Variants in ARHGAP15 observed in about 807,000 individuals in gnomAD.
ARHGAP15 encodes the protein rho GTPase-activating protein 15.
A neutral mutation model predicts 63.7 loss-of-function variants in ARHGAP15; 51 were observed. The ratio of observed to expected loss-of-function variants is 0.80; its 90% CI spans 0.64 to 1.01. The LOEUF is 1.01. Among genes scored for constraint, ARHGAP15 ranks in the 50% least tolerant of loss-of-function variants. ARHGAP15 has a pLI of 0.00. For missense variants in ARHGAP15, 560 were observed against 564.6 expected (o/e 0.99, Z 0.08); for synonymous variants, 191 against 193.8 (o/e 0.99, Z 0.12).
At chr2:143,704,345 G>A (rs151133809) in intron 13 of ARHGAP15, among the ~76,000 whole-genome samples, 3 of 152,320 alleles carry the variant, frequency 2.0e-5, no homozygotes, top group Admixed American at 6.5e-5. Flanking sequence ...GTACAGGCAG[G>A]AGATATTGGT....
chr2:143,389,928 T>C (rs1013853691), intron 6 of ARHGAP15, among the ~76,000 whole-genome samples: 5 of 151,240 alleles, frequency 3.3e-5, no homozygotes, highest in Non-Finnish European at 7.4e-5. Context: ...TTTTGTTTGA[T>C]ACCCCAGGCA....
At chr2:143,260,396 T>A (rs564833015) in intron 6 of ARHGAP15, among the ~76,000 whole-genome samples, 2 of 152,248 alleles carry the variant, frequency 1.3e-5, no homozygotes, top group East Asian at 3.9e-4. Flanking sequence ...TTTAAATGGC[T>A]ATTTATATAG....
At chr2:143,340,655 T>TC (rs897408099) in intron 6 of ARHGAP15, among the ~76,000 whole-genome samples, 10 of 152,088 alleles carry the variant, frequency 6.6e-5, no homozygotes, top group African/African-American at 2.4e-4. Flanking sequence ...ACTCAGGGTG[T>TC]CATTAAGAGC....
intron 6 of ARHGAP15, among the ~76,000 whole-genome samples, chr2:143,357,931 T>G (rs1350539779): frequency 6.6e-6 from 1 of 152,198 alleles, no homozygotes. Flanking sequence ...AAGAGAGTAT[T>G]TATTTGTGTA....
intron 11 of ARHGAP15, among the ~76,000 whole-genome samples, chr2:143,598,940 T>TTA (rs1553509812): frequency 2.7e-5 from 4 of 150,914 alleles, no homozygotes; most frequent in African/African-American, 4.9e-5. Flanking sequence ...TTTTTTTTTT[T>TTA]AAAAAAAACT....
At chr2:143,529,007 C>T (rs1161989119) in intron 10 of ARHGAP15, among the ~76,000 whole-genome samples, 1 of 152,082 alleles carries the variant, frequency 6.6e-6, no homozygotes, top group Non-Finnish European at 1.5e-5. Context: ...GTGAGCCCTT[C>T]AATGACTTCA....
At chr2:143,694,461 C>G (rs962702963) in intron 12 of ARHGAP15, among the ~76,000 whole-genome samples, 1 of 152,118 alleles carries the variant, frequency 6.6e-6, no homozygotes, top group African/African-American at 2.4e-5. Context: ...TTAAGATTAG[C>G]TGGCAGTTTT....
intron 12 of ARHGAP15, among the ~76,000 whole-genome samples, chr2:143,682,118 T>A (rs919001640): frequency 1.3e-5 from 2 of 152,230 alleles, no homozygotes; most frequent in Non-Finnish European, 2.9e-5. Context: ...TAATTGTCAT[T>A]TCTATACAGT....
chr2:143,464,633 C>T (rs929170420), intron 8 of ARHGAP15, among the ~76,000 whole-genome samples: 2 of 152,146 alleles, frequency 1.3e-5, no homozygotes, highest in Non-Finnish European at 2.9e-5. Context: ...ACTTCTGTTG[C>T]AGTGAAAATG....
chr2:143,726,210 A>G (rs994764664), intron 13 of ARHGAP15, among the ~76,000 whole-genome samples: 1 of 152,228 alleles, frequency 6.6e-6, no homozygotes, highest in Non-Finnish European at 1.5e-5. Context: ...TACCAGTTGG[A>G]AAAATTAAGA....
At chr2:143,576,595 A>C (rs902410632) in intron 11 of ARHGAP15, among the ~76,000 whole-genome samples, 3 of 152,144 alleles carry the variant, frequency 2.0e-5, no homozygotes, top group Non-Finnish European at 4.4e-5. Flanking sequence ...TCATGAACAC[A>C]AATCTTTTAA....
intron 8 of ARHGAP15, among the ~76,000 whole-genome samples, chr2:143,451,596 T>C (rs1304728551): frequency 6.6e-6 from 1 of 151,950 alleles, no homozygotes; most frequent in Non-Finnish European, 1.5e-5. Flanking sequence ...CATATTTAAA[T>C]AGAGTTAAAT....
intron 13 of ARHGAP15, among the ~76,000 whole-genome samples, chr2:143,740,272 A>G (rs2105505685): frequency 1.3e-5 from 2 of 152,348 alleles, no homozygotes; most frequent in East Asian, 3.9e-4. Context: ...CAATCTGCAG[A>G]GAATCTACTG....
intron 2 of ARHGAP15, among the ~76,000 whole-genome samples, chr2:143,201,149 GC>G (rs568192280): frequency 6.6e-6 from 1 of 151,166 alleles, no homozygotes; most frequent in East Asian, 2.0e-4. Flanking sequence ...TCACTCTGTT[GC>G]CCAGGCTGGA....
At chr2:143,611,557 TGTC>T (rs570564583) in intron 11 of ARHGAP15, among the ~76,000 whole-genome samples, 398 of 152,340 alleles carry the variant, frequency 2.6e-3, no homozygotes, top group African/African-American at 9.3e-3. Flanking sequence ...TTAATGGTCT[TGTC>T]GTCTTTGTTG....
intron 6 of ARHGAP15, among the ~76,000 whole-genome samples, chr2:143,319,012 C>A (rs546146423): frequency 1.3e-5 from 2 of 152,228 alleles, no homozygotes; most frequent in Non-Finnish European, 2.9e-5. Flanking sequence ...TCTCTTCTAG[C>A]CCACAAATTT....
At chr2:143,638,953 T>C (rs1003438806) in intron 12 of ARHGAP15, among the ~76,000 whole-genome samples, 5 of 152,152 alleles carry the variant, frequency 3.3e-5, no homozygotes, top group South Asian at 2.1e-4. Flanking sequence ...TTGTGGTTAC[T>C]ATTATTCTTC....
At chr2:143,375,628 G>C (rs111229805) in intron 6 of ARHGAP15, among the ~76,000 whole-genome samples, 19 of 152,298 alleles carry the variant, frequency 1.2e-4, no homozygotes, top group African/African-American at 4.1e-4. Context: ...CAGTGATTTA[G>C]AAATGAAATC....
Position 143,519,326 on chromosome 2 carries a change from G to T in ARHGAP15, c.887G>T (p.Trp296Leu), listed in dbSNP as rs763704689. Residue 296 changes from tryptophan (W) to leucine (L), a missense_variant, in exon 10 of 14, where the codon TGG becomes TTG. Coordinates refer to ENST00000295095, the MANE Select transcript of ARHGAP15 (RefSeq NM_018460.4). ...VCERENSTVP[W>L]FVKQCIEAVE... ...GAACGTGAAAATTCCACAGTTCCGT[G>T]GTTTGTAAAGCAATGCATTGAAGCT... The T allele has an allele frequency of 1.7e-5, 27 of 1,613,046 alleles. No individual in the cohort carries two copies. Among genetic ancestry groups the T allele is most frequent in the Non-Finnish European group, 2.1e-5 (25 of 1,179,214 alleles).
Sources: allele counts gnomAD v4.1 joint callset (sites outside exome capture counted in the v4.1 genomes callset), GRCh38; gene constraint gnomAD v4.1.1; transcripts MANE v1.5; gene names NCBI Gene and HGNC (gene_info 2026-07-23, HGNC 2026-07-21).